The following RGS17 variants were observed in gnomAD, a reference collection of about 807,000 sequenced individuals.
The protein encoded by RGS17 is regulator of G-protein signaling 17.
In RGS17, 12 loss-of-function variants were observed where a neutral mutation model predicts 25.5. The ratio of observed to expected loss-of-function variants is 0.47; its 90% confidence interval spans 0.30 to 0.76. The LOEUF is 0.76. Ranked by LOEUF, RGS17 falls within the 30% of genes least tolerant of loss-of-function variation. The pLI, the probability that RGS17 is intolerant of heterozygous loss-of-function variation, is 0.07. For missense variants in RGS17, 196 were observed against 242.2 expected (o/e 0.81, Z 1.27); for synonymous variants, 71 against 76.9 (o/e 0.92, Z 0.40).
chr6:153,039,622 G>A (rs1173817781), intron 2 of RGS17, among the ~76,000 whole-genome samples: 1 of 152,206 alleles, frequency 6.6e-6, no homozygotes, highest in Non-Finnish European at 1.5e-5. Context: ...AAGATTTTAT[G>A]TGAAAAAGTA....
At chr6:153,015,834 TA>T (rs1779177742) in intron 4 of RGS17, among the ~76,000 whole-genome samples, 1 of 152,120 alleles carries the variant, frequency 6.6e-6, no homozygotes, top group Non-Finnish European at 1.5e-5. Flanking sequence ...TTTGTATTTT[TA>T]GTAGAGACGG....
rs1777029102 is a variant in RGS17, at chr6:153,084,701, G to A, written c.-25-40658C>T. Among the ~76,000 whole-genome samples the A allele has an allele frequency of 2.0e-5, 3 of 152,194 alleles. No individual in the cohort carries two copies. The South Asian group carries it at 6.2e-4, about 31-fold the overall frequency. Reference sequence around the variant, plus strand: ...CAGACAGCTTTAGCTAGGAGGAGCTGTGCCTCCATTAATGTAATAGGACGT... The same window carrying A: ...CAGACAGCTTTAGCTAGGAGGAGCTATGCCTCCATTAATGTAATAGGACGT... On this transcript the variant is annotated intron_variant, in intron 1 of 4. Transcript: ENST00000206262.
chr6:153,080,205 C>T (rs1479332847), intron 1 of RGS17, among the ~76,000 whole-genome samples: 2 of 152,166 alleles, frequency 1.3e-5, no homozygotes, highest in Non-Finnish European at 2.9e-5. Flanking sequence ...AGGTCTCCAT[C>T]TCTTGACCTC....
At chr6:153,070,789 A>G (rs1776782505) in intron 1 of RGS17, among the ~76,000 whole-genome samples, 1 of 151,216 alleles carries the variant, frequency 6.6e-6, no homozygotes, top group Admixed American at 6.6e-5. Flanking sequence ...ATACATATAT[A>G]CACATACATA....
chr6:153,064,814 A>G (rs1168762286), intron 1 of RGS17, among the ~76,000 whole-genome samples: 2 of 152,202 alleles, frequency 1.3e-5, no homozygotes, highest in Admixed American at 6.5e-5. Context: ...TGCACAAAAA[A>G]TACAAAAAAC....
intron 1 of RGS17, among the ~76,000 whole-genome samples, chr6:153,058,527 G>A (rs6902703): frequency 0.38 from 58,193 of 151,790 alleles, 11,792 homozygotes; most frequent in East Asian, 0.62. Flanking sequence ...CATTATAACC[G>A]TCGCTGTCTT....
chr6:153,048,720 T>C (rs1776417267), intron 1 of RGS17, among the ~76,000 whole-genome samples: 1 of 152,228 alleles, frequency 6.6e-6, no homozygotes, highest in African/African-American at 2.4e-5. Context: ...TTTACTGAAA[T>C]GTTACATTCT....
chr6:153,056,909 T>C (rs1776569377), intron 1 of RGS17, among the ~76,000 whole-genome samples: 1 of 151,230 alleles, frequency 6.6e-6, no homozygotes, highest in African/African-American at 2.4e-5. Context: ...GTGTTCTCTA[T>C]TGTAGATGCA....
intron 1 of RGS17, among the ~76,000 whole-genome samples, chr6:153,063,370 T>C (rs1037881316): frequency 6.6e-6 from 1 of 152,068 alleles, no homozygotes; most frequent in African/African-American, 2.4e-5. Context: ...ATCAGATAAA[T>C]TTAACAAAGA....
In RGS17 at chr6:153,011,621, A is replaced by C; in HGVS notation, c.586T>G (p.Tyr196Asp). The C allele has an allele frequency of 6.2e-7, 1 of 1,611,584 alleles. No homozygotes were observed. The highest frequency in any genetic ancestry group is 8.5e-7 in the Non-Finnish European group (1 of 1,178,678). ...SFPRFLNSQI[Y>D]KSFVESTAGS... ...GCAGTACTTTCAACAAATGACTTAT[A>C]AATTTGAGAGTTCAAAAACCTTGGA... is the stretch of plus-strand genomic sequence containing the variant. The change falls in exon 5 of 5, where the codon TAT becomes GAT. Residue 196 changes from tyrosine to aspartate, a missense_variant. Coordinates refer to ENST00000206262, the MANE Select transcript of RGS17 (RefSeq NM_012419.5).
chr6:153,118,608 T>C (rs1277977102), intron 1 of RGS17, among the ~76,000 whole-genome samples: 3 of 152,234 alleles, frequency 2.0e-5, no homozygotes, highest in Admixed American at 6.5e-5. Context: ...GTACATTCAC[T>C]ATTTCCCCCA....
intron 1 of RGS17, among the ~76,000 whole-genome samples, chr6:153,077,050 C>T (rs555742630): frequency 6.6e-6 from 1 of 152,252 alleles, no homozygotes; most frequent in East Asian, 1.9e-4. Context: ...TAATGAGGGA[C>T]CACCTGACAT....
chr6:153,100,469 T>C (rs1300215222), intron 1 of RGS17, among the ~76,000 whole-genome samples: 1 of 152,102 alleles, frequency 6.6e-6, no homozygotes, highest in African/African-American at 2.4e-5. Flanking sequence ...TTATACATTG[T>C]ATACACATAT....
intron 1 of RGS17, among the ~76,000 whole-genome samples, chr6:153,054,127 T>C (rs1442137620): frequency 7.7e-6 from 1 of 129,610 alleles, no homozygotes; most frequent in Non-Finnish European, 1.6e-5. Flanking sequence ...TATATATATA[T>C]ATATACAGCT....
At chr6:153,020,112 ATATATATATATAT>A (rs1779227860) in intron 4 of RGS17, among the ~76,000 whole-genome samples, 4 of 36,074 alleles carry the variant, frequency 1.1e-4, no homozygotes, top group African/African-American at 3.7e-4. Context: ...AAAAAAAAAA[ATATATATATATAT>A]ATATATATAT....
At chr6:153,013,062 C>T (rs928011720) in intron 4 of RGS17, among the ~76,000 whole-genome samples, 1 of 152,126 alleles carries the variant, frequency 6.6e-6, no homozygotes, top group Non-Finnish European at 1.5e-5. Context: ...ACTGCACTTC[C>T]CTTTATTTAG....
At chr6:153,122,568 A>T (rs1322498278) in intron 1 of RGS17, among the ~76,000 whole-genome samples, 2 of 152,136 alleles carry the variant, frequency 1.3e-5, no homozygotes, top group African/African-American at 2.4e-5. Flanking sequence ...TTACTGATAA[A>T]CTAGCATAGA....
rs916537487 is a variant in RGS17, at chr6:153,130,557, T to C, written c.-26+567A>G. On this transcript the variant is annotated intron_variant, in intron 1 of 4. Coordinates refer to ENST00000206262, the MANE Select transcript of RGS17 (RefSeq NM_012419.5). The surrounding 1 kb of genome is among the most constrained non-coding windows in gnomAD (Gnocchi z 6.4). ...TCAAAGGATTCATTTTCGCAACCTC[T>C]TCTTCGAACACCTTCCCCACCTGAG... Among the ~76,000 whole-genome samples the C allele has an allele frequency of 2.0e-5, 3 of 152,018 alleles. No homozygotes were observed. Among genetic ancestry groups the C allele is most frequent in the African/African-American group, 2.4e-5 (1 of 41,378 alleles).
At chr6:153,079,200 C>T (rs571382784) in intron 1 of RGS17, among the ~76,000 whole-genome samples, 1 of 152,204 alleles carries the variant, frequency 6.6e-6, no homozygotes, top group South Asian at 2.1e-4. Context: ...GCCTCAGCCT[C>T]CTGAGTAGCT....
Sources: allele counts gnomAD v4.1 joint callset (sites outside exome capture counted in the v4.1 genomes callset), GRCh38; gene constraint gnomAD v4.1.1; non-coding constraint Gnocchi (gnomAD v3.1); transcripts MANE v1.5; gene names NCBI Gene and HGNC (gene_info 2026-07-23, HGNC 2026-07-21).